The following ATG7 variants were observed in gnomAD, a reference collection of about 807,000 sequenced individuals.
ATG7 encodes the protein ubiquitin-like modifier-activating enzyme ATG7.
A neutral mutation model predicts 82.4 loss-of-function variants in ATG7; 70 were observed. That is an observed-to-expected ratio of 0.85 (90% CI 0.70 to 1.04). The LOEUF is 1.04. Ranked by LOEUF, ATG7 falls within the 50% of genes least tolerant of loss-of-function variation. ATG7 has a pLI of 0.00. For synonymous variants in ATG7, 287 were observed against 313.0 expected (o/e 0.92, Z 0.88); for missense variants, 792 against 864.3 (o/e 0.92, Z 1.05).
chr3:11,316,354 C>T (rs35393452), intron 9 of ATG7, among the ~76,000 whole-genome samples: 3,455 of 152,336 alleles, frequency 0.023, 66 homozygotes, highest in Non-Finnish European at 0.037. Flanking sequence ...GAATCTCCAT[C>T]CCCTTCCCGT....
chr3:11,321,347 G>T (rs1216224272), intron 9 of ATG7, among the ~76,000 whole-genome samples: 1 of 152,190 alleles, frequency 6.6e-6, no homozygotes, highest in African/African-American at 2.4e-5. Context: ...GACTATGAGA[G>T]AGTGGGTACC....
chr3:11,299,544 C>G (rs1946458356), intron 5 of ATG7, 128 bp downstream of exon 5: 2 of 898,770 alleles, frequency 2.2e-6, no homozygotes, highest in Admixed American at 2.0e-5. Context: ...GAGTCAGCCC[C>G]CCTCATGATT....
At chr3:11,489,361 C>T (rs1468731725) in intron 20 of ATG7, among the ~76,000 whole-genome samples, 2 of 151,124 alleles carry the variant, frequency 1.3e-5, no homozygotes, top group Admixed American at 6.6e-5. Flanking sequence ...CTATTTGATT[C>T]TTCTCTCTTT....
At chr3:11,567,081 G>T in the ATG7 span, among the ~76,000 whole-genome samples, 1 of 152,150 alleles carries the variant, frequency 6.6e-6, no homozygotes, top group Admixed American at 6.5e-5. Flanking sequence ...CACCAGAGGG[G>T]GCCTGAGTGC....
intron 20 of ATG7, among the ~76,000 whole-genome samples, chr3:11,546,659 C>T (rs761092871): frequency 6.6e-6 from 1 of 152,180 alleles, no homozygotes; most frequent in African/African-American, 2.4e-5. Context: ...CTTTCAAACT[C>T]GTCTGTCTCC....
At chr3:11,379,193 C>A (rs2152845417) in intron 18 of ATG7, among the ~76,000 whole-genome samples, 1 of 152,152 alleles carries the variant, frequency 6.6e-6, no homozygotes, top group South Asian at 2.1e-4. Flanking sequence ...TTTGTGTTGT[C>A]TGGTTTATTA....
At chr3:11,382,185 A>G (rs977209659) in intron 19 of ATG7, among the ~76,000 whole-genome samples, 13 of 152,208 alleles carry the variant, frequency 8.5e-5, no homozygotes, top group Non-Finnish European at 7.3e-5. Flanking sequence ...ATAGAGACAG[A>G]CTGGGGAAGT....
At chr3:11,363,662 G>A (rs1194657507) in intron 17 of ATG7, among the ~76,000 whole-genome samples, 1 of 152,218 alleles carries the variant, frequency 6.6e-6, no homozygotes, top group Non-Finnish European at 1.5e-5. Context: ...AATTTACATA[G>A]TAAATGGAAA....
intron 20 of ATG7, among the ~76,000 whole-genome samples, chr3:11,467,922 C>T (rs2087004018): frequency 6.6e-6 from 1 of 152,026 alleles, no homozygotes; most frequent in Non-Finnish European, 1.5e-5. Flanking sequence ...GAAAGAATTC[C>T]TCCCCCAGTG....
At chr3:11,475,543 G>A (rs1298812925) in intron 20 of ATG7, among the ~76,000 whole-genome samples, 1 of 152,152 alleles carries the variant, frequency 6.6e-6, no homozygotes, top group Non-Finnish European at 1.5e-5. Flanking sequence ...CATGTAAACT[G>A]CTGGGAAAAG....
At chr3:11,431,487 C>G (rs2082885235) in intron 20 of ATG7, among the ~76,000 whole-genome samples, 1 of 152,198 alleles carries the variant, frequency 6.6e-6, no homozygotes, top group African/African-American at 2.4e-5. Context: ...TTACCACTCT[C>G]TGTTTAGAAA....
chr3:11,383,509 A>G (rs1461864134), intron 19 of ATG7, among the ~76,000 whole-genome samples: 2 of 152,052 alleles, frequency 1.3e-5, no homozygotes, highest in African/African-American at 2.4e-5. Context: ...GAAACCTGCA[A>G]TCTCGGCTCA....
chr3:11,534,620 G>A (rs563445584), intron 20 of ATG7, among the ~76,000 whole-genome samples: 1 of 152,366 alleles, frequency 6.6e-6, no homozygotes, highest in South Asian at 2.1e-4. Flanking sequence ...GCTGTGCTAA[G>A]GGGAGCTGCC....
chr3:11,559,133 G>A (rs1285608435), downstream of ATG7, among the ~76,000 whole-genome samples: 4 of 152,206 alleles, frequency 2.6e-5, no homozygotes, highest in African/African-American at 9.7e-5. Flanking sequence ...GGAACTGAGC[G>A]AGGCGGTGTG....
In ATG7 at chr3:11,510,301, A is replaced by G. The variant is rs925095011; in HGVS notation, c.2080-44510A>G. On this transcript the variant is annotated intron_variant, in intron 20 of 20. Coordinates refer to ENST00000693202, the MANE Select transcript of ATG7 (RefSeq NM_001349232.2). ...ATCTCTACCAGCTCTCAAGCAGAAC[A>G]ATTCCTTGCATTCATACTTGAATGT... 18 of 456,142 alleles carry G rather than the reference A, an allele frequency of 3.9e-5. No individual in the cohort carries two copies. In the Admixed American group the frequency reaches 4.0e-4, roughly 10 times the overall value. 28.3% of individuals were successfully genotyped at this position (456,142 alleles called of 1,614,324 possible). A position where few individuals can be genotyped will look rare whatever the true frequency, so the allele number is the denominator to read the frequency against.
At chr3:11,422,345 A>C (rs553034391) in intron 19 of ATG7, among the ~76,000 whole-genome samples, 10 of 152,354 alleles carry the variant, frequency 6.6e-5, no homozygotes, top group African/African-American at 2.4e-4. Context: ...CAGCTTCTAC[A>C]TCAGTACTTG....
chr3:11,378,251 A>T (rs2077581809), intron 18 of ATG7, among the ~76,000 whole-genome samples: 1 of 150,282 alleles, frequency 6.7e-6, no homozygotes, highest in Admixed American at 6.6e-5. Context: ...TCCTGACCTC[A>T]GGTGATCTGC....
chr3:11,379,988 C>A lies in ATG7; in HGVS notation c.1892C>A (p.Ser631Ter). Residue 631 changes from serine (S) to a stop codon, truncating the protein, a stop_gained, in exon 19 of 21, where the codon TCA becomes TAA. Coordinates refer to ENST00000693202, the MANE Select transcript of ATG7 (RefSeq NM_001349232.2). LOFTEE classifies it high-confidence loss of function. Reference protein sequence around the residue: ...LVPHQIRGFLSRFDNVLPVSL... With the variant: ...LVPHQIRGFL ...TGTTTTTAGATCCGGGGATTTCTTT[C>A]ACGGTTTGATAATGTCCTTCCCGTC... The A allele has an allele frequency of 1.9e-6, 3 of 1,614,088 alleles. No homozygotes were observed. The highest frequency in any genetic ancestry group is 2.5e-6 in the Non-Finnish European group (3 of 1,179,974).
intron 9 of ATG7, among the ~76,000 whole-genome samples, chr3:11,319,875 A>G (rs1949979942): frequency 6.6e-6 from 1 of 152,122 alleles, no homozygotes; most frequent in African/African-American, 2.4e-5. Flanking sequence ...CTTCCTAACA[A>G]GCCTCCTTGT....
Sources: gnomAD v4.1 joint callset for allele counts (sites outside exome capture counted in the v4.1 genomes callset) on GRCh38, gnomAD v4.1.1 for gene constraint, MANE v1.5 for transcripts, NCBI Gene and HGNC (gene_info 2026-07-23, HGNC 2026-07-21) for gene names.